The following SLC38A9 variants were observed in gnomAD, a reference collection of about 807,000 sequenced individuals.
SLC38A9 encodes the protein solute carrier family 38 member 9.
A neutral mutation model predicts 62.3 loss-of-function variants in SLC38A9; 48 were observed. The ratio of observed to expected loss-of-function variants is 0.77; its 90% CI spans 0.61 to 0.98. SLC38A9 has a LOEUF of 0.98. Among genes scored for constraint, SLC38A9 ranks in the 50% least tolerant of loss-of-function variants. The pLI is 0.00. For synonymous variants in SLC38A9, 204 were observed against 227.7 expected, an observed-to-expected ratio of 0.90 and a Z score of 0.94; for missense variants, 541 against 679.8, an observed-to-expected ratio of 0.80 and a Z score of 2.27.
intron 14 of SLC38A9, among the ~76,000 whole-genome samples, chr5:55,629,521 T>C (rs970703995): frequency 6.6e-6 from 1 of 152,224 alleles, no homozygotes; most frequent in Admixed American, 6.5e-5. Flanking sequence ...AAAGTCATAA[T>C]AAAGCACATC....
At chr5:55,633,101 A>C (rs1233892391) in intron 14 of SLC38A9, among the ~76,000 whole-genome samples, 1 of 151,950 alleles carries the variant, frequency 6.6e-6, no homozygotes, top group East Asian at 1.9e-4. Flanking sequence ...TCCCGGGCTC[A>C]AACGATCCTC....
At position 55,672,596 on chromosome 5, in the gene SLC38A9, G is replaced by A. The variant is rs1034962815; in HGVS notation, c.213C>T (p.Tyr71=). 4.3e-6 allele frequency: 7 copies of A among 1,614,020 alleles called. No homozygotes were observed. The highest frequency in any genetic ancestry group is 2.7e-5 in the African/African-American group (2 of 74,926). Residue 71 remains tyrosine (Y), a synonymous_variant, in exon 4 of 16, where the codon TAC becomes TAT. Transcript: ENST00000396865. ...ASAMNKRIHY[Y]SRLTTPADKA... ...TGTCTGCAGGAGTGGTGAGCCGGCTGTAGTAATGAATTCTCTTGTTCATGG... is the reference window on the plus strand; with the variant it reads ...TGTCTGCAGGAGTGGTGAGCCGGCTATAGTAATGAATTCTCTTGTTCATGG...
At chr5:55,690,652 A>G (rs1754596127) in intron 3 of SLC38A9, among the ~76,000 whole-genome samples, 2 of 152,122 alleles carry the variant, frequency 1.3e-5, no homozygotes, top group Non-Finnish European at 2.9e-5. Context: ...CAGCTATGAA[A>G]CCATCAAGCC....
At chr5:55,636,943 A>G (rs920429923) in intron 12 of SLC38A9, among the ~76,000 whole-genome samples, 22 of 152,182 alleles carry the variant, frequency 1.4e-4, no homozygotes, top group African/African-American at 5.3e-4. Flanking sequence ...ATGAAGCTCT[A>G]GGTCTGACGG....
chr5:55,678,073 G>A (rs930557597), intron 3 of SLC38A9, among the ~76,000 whole-genome samples: 2 of 151,224 alleles, frequency 1.3e-5, no homozygotes, highest in African/African-American at 4.9e-5. Flanking sequence ...GGAGAGCTTA[G>A]GGGACAGGCT....
chr5:55,706,872 G>A (rs888105684), intron 2 of SLC38A9, among the ~76,000 whole-genome samples: 3 of 148,264 alleles, frequency 2.0e-5, no homozygotes, highest in African/African-American at 7.5e-5. Flanking sequence ...TGTGTAGATG[G>A]TGCAAGTTTT....
chr5:55,656,316 G>GCA (rs199989615), intron 9 of SLC38A9, among the ~76,000 whole-genome samples: 117 of 151,414 alleles, frequency 7.7e-4, no homozygotes, highest in East Asian at 5.2e-3. Flanking sequence ...AATTTGTATA[G>GCA]CATATATATT....
At chr5:55,631,831 T>A (rs1367592706) in intron 14 of SLC38A9, among the ~76,000 whole-genome samples, 1 of 152,116 alleles carries the variant, frequency 6.6e-6, no homozygotes, top group Admixed American at 6.5e-5. Flanking sequence ...CTAATAAAAG[T>A]GGACTAGGTT....
chr5:55,700,678 C>T (rs1357416756), intron 2 of SLC38A9, among the ~76,000 whole-genome samples: 1 of 152,186 alleles, frequency 6.6e-6, no homozygotes, highest in Non-Finnish European at 1.5e-5. Flanking sequence ...ATCATGATAT[C>T]TTTCCTATCA....
chr5:55,659,378 G>GTTTTTTTTTTTT (rs35686566), intron 8 of SLC38A9, among the ~76,000 whole-genome samples: 9 of 125,620 alleles, frequency 7.2e-5, no homozygotes, highest in Non-Finnish European at 1.3e-4. Context: ...AACTGGAAAG[G>GTTTTTTTTTTTT]TTTTTTTTTT....
At chr5:55,642,916 T>C (rs1745667545) in intron 12 of SLC38A9, among the ~76,000 whole-genome samples, 1 of 152,220 alleles carries the variant, frequency 6.6e-6, no homozygotes. Flanking sequence ...GTTTTTGCCT[T>C]CTTAATGACT....
intron 8 of SLC38A9, among the ~76,000 whole-genome samples, chr5:55,661,434 G>T: frequency 2.2e-5 from 2 of 92,058 alleles, no homozygotes; most frequent in Non-Finnish European, 1.9e-5. Context: ...GACAGAGCAA[G>T]ACTCCGTCTC....
At chr5:55,639,260 C>T (rs972738163) in intron 12 of SLC38A9, among the ~76,000 whole-genome samples, 1 of 93,454 alleles carries the variant, frequency 1.1e-5, no homozygotes, top group Non-Finnish European at 2.0e-5. Context: ...GCAACAAGAA[C>T]GAAACTCTGT....
chr5:55,648,268 T>A (rs1031841899), intron 11 of SLC38A9, among the ~76,000 whole-genome samples: 1 of 152,170 alleles, frequency 6.6e-6, no homozygotes, highest in Non-Finnish European at 1.5e-5. Flanking sequence ...TACCACATTT[T>A]ATTTATCCAT....
At chr5:55,706,176 C>G (rs11952488) in intron 2 of SLC38A9, among the ~76,000 whole-genome samples, 96,185 of 151,948 alleles carry the variant, frequency 0.63, 30,892 homozygotes, top group South Asian at 0.73. Context: ...TATTTCCTTA[C>G]CCAGCAACAA....
At chr5:55,688,833 T>G (rs376232172) in intron 3 of SLC38A9, among the ~76,000 whole-genome samples, 1 of 152,202 alleles carries the variant, frequency 6.6e-6, no homozygotes, top group East Asian at 1.9e-4. Flanking sequence ...AATAACATAA[T>G]GAAATTGTAT....
chr5:55,683,304 A>C (rs1013202313), intron 3 of SLC38A9, among the ~76,000 whole-genome samples: 4 of 152,072 alleles, frequency 2.6e-5, no homozygotes, highest in Non-Finnish European at 5.9e-5. Context: ...TGCACTGTGG[A>C]CTCAAACTCC....
chr5:55,665,547 A>C (rs189813241), intron 7 of SLC38A9, among the ~76,000 whole-genome samples: 1,855 of 142,586 alleles, frequency 0.013, 15 homozygotes, highest in Non-Finnish European at 0.02. Context: ...ACTCCATCTC[A>C]AAAAAAAAAA....
At chr5:55,649,454 G>A in intron 10 of SLC38A9, 140 bp from the exon 11 acceptor site, 2 of 507,488 alleles carry the variant, frequency 3.9e-6, no homozygotes, top group Non-Finnish European at 3.5e-6. Context: ...ACACCCAGCT[G>A]GGATCTAAAG....
Sources: gnomAD v4.1 joint callset for allele counts (sites outside exome capture counted in the v4.1 genomes callset) on GRCh38, gnomAD v4.1.1 for gene constraint, MANE v1.5 for transcripts, NCBI Gene and HGNC (gene_info 2026-07-23, HGNC 2026-07-21) for gene names.